The following NLK variants were observed in gnomAD, a reference collection of about 807,000 sequenced individuals.
NLK encodes serine/threonine-protein kinase NLK.
A neutral mutation model predicts 59.0 loss-of-function variants in NLK; 11 were observed. That is an observed-to-expected ratio of 0.19 (90% CI 0.12 to 0.31). The LOEUF is 0.31. Among genes scored for constraint, NLK ranks in the 10% least tolerant of loss-of-function variants. The pLI is 1.00. For synonymous variants in NLK, 235 were observed against 235.9 expected (o/e 1.00, Z 0.03); for missense variants, 410 against 661.1 (o/e 0.62, Z 4.16).
intron 4 of NLK, among the ~76,000 whole-genome samples, 191 bp downstream of exon 4, chr17:28,161,457 C>G (rs1372996261): frequency 6.6e-6 from 1 of 152,042 alleles, no homozygotes; most frequent in Non-Finnish European, 1.5e-5. Context: ...CCAAATAGTT[C>G]TTGTTTTCAG....
chr17:28,132,844 A>G (rs893039878), intron 3 of NLK, among the ~76,000 whole-genome samples, 169 bp downstream of exon 3: 2 of 152,224 alleles, frequency 1.3e-5, no homozygotes, highest in African/African-American at 4.8e-5. Context: ...GGCAGAGCTC[A>G]GTATTATCAA....
At position 28,162,126 on chromosome 17, in the gene NLK, C is replaced by T. The variant is rs555386091; in HGVS notation, c.751+860C>T. Among the ~76,000 whole-genome samples the T allele has an allele frequency of 1.4e-4, 22 of 152,244 alleles. No individual in the cohort carries two copies. The East Asian group carries it at 2.9e-3, about 20-fold the overall frequency. On this transcript the variant is annotated intron_variant, in intron 4 of 10. Coordinates refer to ENST00000407008, the MANE Select transcript of NLK (RefSeq NM_016231.5). ...CGCCTCCCAGGTTCACGCCATTCTC[C>T]TGCCTCAGCCTCCCAAGTAGCTGGG...
At chr17:28,162,218 T>C (rs1908036182) in intron 4 of NLK, among the ~76,000 whole-genome samples, 1 of 152,024 alleles carries the variant, frequency 6.6e-6, no homozygotes, top group South Asian at 2.1e-4. Flanking sequence ...GGTTTCACCG[T>C]ATTAGCCAGG....
chr17:28,098,163 T>C (rs919730299), intron 1 of NLK, among the ~76,000 whole-genome samples: 1 of 152,202 alleles, frequency 6.6e-6, no homozygotes, highest in East Asian at 1.9e-4. Flanking sequence ...TACTTCTTTA[T>C]CTACCACAGG....
At chr17:28,204,308 G>A in the NLK span, among the ~76,000 whole-genome samples, 2 of 152,210 alleles carry the variant, frequency 1.3e-5, no homozygotes, top group African/African-American at 4.8e-5. Flanking sequence ...TCTGTGGGGT[G>A]AGGTATGGGG....
chr17:28,165,936 G>T (rs1908209496), intron 5 of NLK, among the ~76,000 whole-genome samples: 1 of 152,152 alleles, frequency 6.6e-6, no homozygotes, highest in Non-Finnish European at 1.5e-5. Context: ...TGTTATTTTG[G>T]CCGGGCGCAG....
chr17:28,160,929 A>G (rs535603398), intron 3 of NLK, among the ~76,000 whole-genome samples: 1 of 152,338 alleles, frequency 6.6e-6, no homozygotes, highest in South Asian at 2.1e-4. Context: ...AATGCTGATT[A>G]TAAGGAAATC....
chr17:28,058,530 G>A (rs1225420892), intron 1 of NLK, among the ~76,000 whole-genome samples: 1 of 152,206 alleles, frequency 6.6e-6, no homozygotes, highest in Non-Finnish European at 1.5e-5. Context: ...TTCGGGTCAT[G>A]TCTTAGTTGC....
chr17:28,102,336 T>C (rs1490431700), intron 1 of NLK, among the ~76,000 whole-genome samples: 2 of 152,162 alleles, frequency 1.3e-5, no homozygotes, highest in Admixed American at 1.3e-4. Context: ...TTTTGGATAT[T>C]GTTGACTTAT....
chr17:28,204,113 C>T, the NLK span, among the ~76,000 whole-genome samples: 5 of 152,218 alleles, frequency 3.3e-5, no homozygotes, highest in Non-Finnish European at 5.9e-5. Flanking sequence ...GCTTTTTAAA[C>T]TGTCACAATT....
chr17:28,089,313 T>C (rs1176245048), intron 1 of NLK, among the ~76,000 whole-genome samples: 2 of 152,202 alleles, frequency 1.3e-5, no homozygotes, highest in East Asian at 3.8e-4. Flanking sequence ...TTTATGTAAA[T>C]AGAATCATAT....
intron 4 of NLK, among the ~76,000 whole-genome samples, chr17:28,162,293 G>GC: frequency 1.3e-5 from 2 of 152,148 alleles, no homozygotes. Context: ...GGGATTACAG[G>GC]CGTGAGCCAC....
At chr17:28,161,489 C>T (rs1045354968) in intron 4 of NLK, among the ~76,000 whole-genome samples, 2 of 152,176 alleles carry the variant, frequency 1.3e-5, no homozygotes, top group Non-Finnish European at 2.9e-5. Context: ...AAAGCCCTGT[C>T]AAATTCATTA....
intron 3 of NLK, among the ~76,000 whole-genome samples, chr17:28,144,414 A>AC (rs910153443): frequency 6.6e-6 from 1 of 151,970 alleles, no homozygotes; most frequent in African/African-American, 2.4e-5. Flanking sequence ...AAAAAAAAAA[A>AC]ACTAAAGCTT....
intron 3 of NLK, among the ~76,000 whole-genome samples, chr17:28,140,593 C>T (rs1458195754): frequency 6.6e-6 from 1 of 152,148 alleles, no homozygotes; most frequent in Non-Finnish European, 1.5e-5. Flanking sequence ...TAACTTTACC[C>T]TCAGCAAAGA....
chr17:28,203,553 T>C, the NLK span, among the ~76,000 whole-genome samples: 1 of 152,288 alleles, frequency 6.6e-6, no homozygotes, highest in East Asian at 1.9e-4. Flanking sequence ...TTTTTATTTT[T>C]TGAGATGGAG....
chr17:28,066,324 G>A (rs1393085141), intron 1 of NLK, among the ~76,000 whole-genome samples: 1 of 152,170 alleles, frequency 6.6e-6, no homozygotes, highest in Non-Finnish European at 1.5e-5. Context: ...AGTCCACTGT[G>A]CAGTCATTTC....
intron 1 of NLK, among the ~76,000 whole-genome samples, chr17:28,061,467 A>C (rs531490857): frequency 2.2e-4 from 34 of 152,260 alleles, no homozygotes; most frequent in African/African-American, 7.9e-4. Flanking sequence ...GAGTAATATA[A>C]GTTATTACAT....
intron 1 of NLK, among the ~76,000 whole-genome samples, chr17:28,084,076 G>C (rs1401156505): frequency 6.6e-6 from 1 of 152,196 alleles, no homozygotes; most frequent in Non-Finnish European, 1.5e-5. Context: ...AGGCCCACTT[G>C]AGTTAAGTAT....
Sources: allele counts gnomAD v4.1 joint callset (sites outside exome capture counted in the v4.1 genomes callset), GRCh38; gene constraint gnomAD v4.1.1; transcripts MANE v1.5; gene names NCBI Gene and HGNC (gene_info 2026-07-23, HGNC 2026-07-21).